Variants in KCNK2 observed in about 807,000 individuals in gnomAD.
KCNK2 encodes potassium two pore domain channel subfamily K member 2, also known as potassium channel subfamily K member 2.
In KCNK2, 21 loss-of-function variants were observed where a neutral mutation model predicts 40.5. The ratio of observed to expected loss-of-function variants is 0.52; its 90% CI spans 0.37 to 0.75. KCNK2 has a LOEUF of 0.75. Among genes scored for constraint, KCNK2 ranks in the 30% least tolerant of loss-of-function variants. The probability of loss-of-function intolerance (pLI) is 0.00; values close to 1 mark genes in which losing one functional copy is unlikely to be tolerated. For missense variants in KCNK2, 399 were observed against 531.6 expected (o/e 0.75, Z 2.45); for synonymous variants, 191 against 202.2 (o/e 0.94, Z 0.47).
chr1:215,193,536 A>T (rs1183152578), intron 5 of KCNK2, among the ~76,000 whole-genome samples: 1 of 151,982 alleles, frequency 6.6e-6, no homozygotes, highest in African/African-American at 2.4e-5. Flanking sequence ...CCACCAAGTA[A>T]TTGGCCATGA....
intron 3 of KCNK2, among the ~76,000 whole-genome samples, chr1:215,151,341 G>T (rs1483423533): frequency 6.6e-6 from 1 of 152,032 alleles, no homozygotes; most frequent in Non-Finnish European, 1.5e-5. Flanking sequence ...GGTAGAATCT[G>T]ATGCCTGCAA....
At chr1:215,115,206 G>A (rs1660877001) in intron 2 of KCNK2, among the ~76,000 whole-genome samples, 2 of 152,020 alleles carry the variant, frequency 1.3e-5, no homozygotes, top group Admixed American at 1.3e-4. Flanking sequence ...TCCCCTGCCT[G>A]TGATTACCTT....
chr1:215,098,559 A>T (rs1660078010), intron 2 of KCNK2, among the ~76,000 whole-genome samples: 1 of 151,948 alleles, frequency 6.6e-6, no homozygotes, highest in African/African-American at 2.4e-5. Context: ...CCAGACTTTG[A>T]TATTTCCCTT....
At chr1:215,062,827 C>T (rs1658405054) in intron 1 of KCNK2, among the ~76,000 whole-genome samples, 1 of 151,956 alleles carries the variant, frequency 6.6e-6, no homozygotes, top group Admixed American at 6.6e-5. Flanking sequence ...TGTATTACAA[C>T]ACCAACTCAA....
In KCNK2 at chr1:215,118,514, G is replaced by C. The variant is rs369014116; in HGVS notation, c.358-6119G>C. 6.1e-4 allele frequency among the ~76,000 whole-genome samples: 93 copies of C among 152,252 alleles called. 1 individual carries two copies. In the South Asian group the frequency reaches 0.019, roughly 31 times the overall value. ...TGTGTGATTGGATTCGTTATCTAAAGACTAGTTTCTTCTCAGTGTGGAAAC... is the reference window on the plus strand; with the variant it reads ...TGTGTGATTGGATTCGTTATCTAAACACTAGTTTCTTCTCAGTGTGGAAAC... On this transcript the variant is annotated intron_variant, in intron 2 of 6. Coordinates refer to ENST00000444842, the MANE Select transcript of KCNK2 (RefSeq NM_001017425.3).
intron 2 of KCNK2, among the ~76,000 whole-genome samples, chr1:215,124,108 T>C (rs1661315439): frequency 1.3e-5 from 2 of 152,194 alleles, no homozygotes; most frequent in African/African-American, 4.8e-5. Context: ...TGAAGTCCTG[T>C]TGCCTTTTCC....
chr1:215,005,800 G>A (rs551202985), upstream of KCNK2: 10 of 853,798 alleles, frequency 1.2e-5, no homozygotes, highest in Admixed American at 1.1e-4. Context: ...AAAGGAAACA[G>A]TATGGGACGA....
At chr1:215,217,467 C>T (rs1387096943) in intron 6 of KCNK2, among the ~76,000 whole-genome samples, 1 of 152,028 alleles carries the variant, frequency 6.6e-6, no homozygotes, top group Non-Finnish European at 1.5e-5. Context: ...AACAAAGAAC[C>T]ACAAAATGAA....
At chr1:215,037,869 A>G (rs1446447214) in intron 1 of KCNK2, among the ~76,000 whole-genome samples, 1 of 151,776 alleles carries the variant, frequency 6.6e-6, no homozygotes, top group Non-Finnish European at 1.5e-5. Context: ...TAGAATCTGT[A>G]GTAATTTCTT....
chr1:215,100,030 T>C (rs569537951), intron 2 of KCNK2, among the ~76,000 whole-genome samples: 3 of 152,150 alleles, frequency 2.0e-5, no homozygotes, highest in South Asian at 4.1e-4. Flanking sequence ...TCTGCACCAG[T>C]GTGCTATTAA....
intron 1 of KCNK2, among the ~76,000 whole-genome samples, chr1:215,033,841 T>A (rs1657290442): frequency 6.6e-6 from 1 of 152,206 alleles, no homozygotes; most frequent in Admixed American, 6.5e-5. Context: ...GATTCCTTAT[T>A]TAACTTTTCC....
intron 2 of KCNK2, among the ~76,000 whole-genome samples, chr1:215,091,303 T>A (rs1251714215): frequency 6.6e-6 from 1 of 152,074 alleles, no homozygotes; most frequent in Non-Finnish European, 1.5e-5. Context: ...ATGAGCAGGT[T>A]TGACAAAGTA....
chr1:215,236,050 ATCT>A lies in KCNK2; in HGVS notation c.*906_*908del, dbSNP rs1354351210. On this transcript the variant is annotated 3_prime_UTR_variant, in exon 7 of 7. Coordinates refer to ENST00000444842, the MANE Select transcript of KCNK2 (RefSeq NM_001017425.3). The stretch of plus-strand genomic sequence containing the variant: ...TTTTAAAGGCAGAAGAAGAAAATCT[ATCT>A]ATCTATCTATCTATCTATCTATCTA... The A allele has an allele frequency of 6.7e-4, 56 of 82,984 alleles. No homozygotes were observed. The highest frequency in any genetic ancestry group is 2.0e-3 in the African/African-American group (51 of 25,932). The allele number at this position is 82,984 out of a possible 1,614,324, so 5.1% of individuals were successfully genotyped here. A position where few individuals can be genotyped will look rare whatever the true frequency, so the allele number is the denominator to read the frequency against.
intron 6 of KCNK2, among the ~76,000 whole-genome samples, chr1:215,218,072 G>A (rs926038239): frequency 1.3e-5 from 2 of 152,194 alleles, no homozygotes; most frequent in Admixed American, 1.3e-4. Context: ...ATAGAGGAGT[G>A]AAGGAAGGAG....
intron 5 of KCNK2, among the ~76,000 whole-genome samples, chr1:215,175,815 G>T (rs999242099): frequency 2.6e-5 from 4 of 152,108 alleles, no homozygotes; most frequent in African/African-American, 9.7e-5. Flanking sequence ...CCATGTTGCT[G>T]TAAAGGACAT....
At position 215,083,402 on chromosome 1, in the gene KCNK2, C is replaced by T. The variant is rs766967584; in HGVS notation, c.17C>T (p.Ser6Leu). ...GCATGCCTCATGCTTCCCAGCGCCT[C>T]GCGGGAGAGACCCGGCTATAGAGCA... is the stretch of plus-strand genomic sequence containing the variant. MLPSA[S>L]RERPGYRAGV... The change falls in exon 1 of 7, where the codon TCG (serine) becomes TTG (leucine). Residue 6 changes from serine (S) to leucine (L), a missense_variant. Ser to Leu is a moderately radical substitution (Grantham distance 145). This residue lies in a region of KCNK2 where 279 missense variants were observed against 353.8 expected (regional missense o/e 0.79). Coordinates refer to ENST00000444842, the MANE Select transcript of KCNK2 (RefSeq NM_001017425.3). 1.2e-6 allele frequency: 2 copies of T among 1,613,846 alleles called. No homozygotes were observed. The highest frequency in any genetic ancestry group is 2.2e-5 in the East Asian group (1 of 44,834).
chr1:215,232,446 T>C (rs906818396), intron 6 of KCNK2, among the ~76,000 whole-genome samples: 1 of 152,156 alleles, frequency 6.6e-6, no homozygotes, highest in Non-Finnish European at 1.5e-5. Flanking sequence ...AAACAATTGA[T>C]AGCATGTGTG....
chr1:215,058,751 C>T (rs755291233), intron 1 of KCNK2, among the ~76,000 whole-genome samples: 1 of 152,182 alleles, frequency 6.6e-6, no homozygotes, highest in Non-Finnish European at 1.5e-5. Flanking sequence ...TACCCTGGAG[C>T]CACAGTGAAG....
In KCNK2 at chr1:215,056,165, G is replaced by A. The variant is rs866856291; in HGVS notation, c.35-30203G>A. 4.4e-4 allele frequency among the ~76,000 whole-genome samples: 67 copies of A among 151,806 alleles called. 3 individuals are homozygous for A. Among genetic ancestry groups the A allele is most frequent in the Middle Eastern group, 3.4e-3 (1 of 294 alleles). ...CTCTACTAAAAATACAAAATTAGCC[G>A]GGCATGGTGGTGCATGCTTGTAATC... On this transcript the variant is annotated intron_variant, in intron 1 of 6. Transcript: ENST00000391895.
Sources: gnomAD v4.1 joint callset for allele counts (sites outside exome capture counted in the v4.1 genomes callset) on GRCh38, gnomAD v4.1.1 for gene constraint, gnomAD v4.1.1 regional missense constraint, MANE v1.5 for transcripts, NCBI Gene and HGNC (gene_info 2026-07-23, HGNC 2026-07-21) for gene names.